The following ZNF649 variants were observed in gnomAD, a reference collection of about 807,000 sequenced individuals.
The protein encoded by ZNF649 is zinc finger protein 649.
ZNF649 carries 7 observed loss-of-function variants against 14.1 expected under a neutral mutation model. The ratio of observed to expected loss-of-function variants is 0.49; its 90% CI spans 0.28 to 0.93. The LOEUF (loss-of-function observed/expected upper bound fraction) is 0.93. ZNF649 is among the 40% of genes least tolerant of loss of function. The pLI is 0.10. For synonymous variants in ZNF649, 227 were observed against 212.3 expected (o/e 1.07, Z -0.60); for missense variants, 544 against 608.1 (o/e 0.89, Z 1.11).
chr19:51,898,494 C>G (rs1016605239), intron 2 of ZNF649, among the ~76,000 whole-genome samples: 1 of 152,114 alleles, frequency 6.6e-6, no homozygotes, highest in African/African-American at 2.4e-5. Flanking sequence ...CCAAAGGGTG[C>G]CAAGCACAGG....
chr19:51,891,524 T>C lies in ZNF649; in HGVS notation c.612A>G (p.Lys204=). The change falls in exon 5 of 5, where the codon AAA becomes AAG. Residue 204 remains lysine, a synonymous_variant. Transcript: ENST00000354957. The surrounding 1 kb of genome is among the most constrained non-coding windows in gnomAD (Gnocchi z 4.2). ...TEHKRIHTGK[K]PHVCSLCGKA... is the part of the protein sequence containing the mutation. Reference sequence around the variant, plus strand: ...TCCCACACAAGCTACACACGTGGGGTTTCTTTCCTGTATGAATTCTCTTAT... The same window carrying C: ...TCCCACACAAGCTACACACGTGGGGCTTCTTTCCTGTATGAATTCTCTTAT... 6.2e-7 allele frequency: 1 copy of C among 1,614,240 alleles called. No homozygotes were observed. The highest frequency in any genetic ancestry group is 8.5e-7 in the Non-Finnish European group (1 of 1,180,044).
At chr19:51,892,028 G>C in intron 4 of ZNF649, 131 bp from the exon 5 acceptor site, 1 of 1,102,708 alleles carries the variant, frequency 9.1e-7, no homozygotes, top group Non-Finnish European at 1.2e-6. Context: ...CCAAGTATAA[G>C]TGTTCCCTAT....
rs149249779 is a variant in ZNF649 at position 51,896,499 on chromosome 19, C to T, written c.211G>A (p.Asp71Asn). The T allele has an allele frequency of 4.3e-5, 69 of 1,613,994 alleles. No individual in the cohort carries two copies. Among genetic ancestry groups the T allele is most frequent in the Non-Finnish European group, 5.3e-5 (62 of 1,180,014 alleles). Residue 71 changes from aspartate (D) to asparagine (N), a missense_variant, in exon 4 of 5, where the codon GAT becomes AAT. Transcript: ENST00000354957. ...EQGEPLWTLE[D>N]EIHSPAHPEI... Reference sequence around the variant, plus strand: ...GGGTGGGCTGGACTGTGGATTTCATCTTCTAGTGTCCATAGTGGTTCTCCT... The same window carrying T: ...GGGTGGGCTGGACTGTGGATTTCATTTTCTAGTGTCCATAGTGGTTCTCCT...
At position 51,891,598 on chromosome 19, in the gene ZNF649, A is replaced by G; in HGVS notation, c.538T>C (p.Cys180Arg). 6.2e-7 allele frequency: 1 copy of G among 1,614,230 alleles called. No individual in the cohort carries two copies. The highest frequency in any genetic ancestry group is 1.6e-4 in the Middle Eastern group (1 of 6,062). Reference sequence around the variant, plus strand: ...AGGAAAGCTTTCCCACAGTCAGTGCATTCATGGGCTTTCTCTATGTTGTGT... The same window carrying G: ...AGGAAAGCTTTCCCACAGTCAGTGCGTTCATGGGCTTTCTCTATGTTGTGT... ...QTHNIEKAHE[C>R]TDCGKAFLKK... is the part of the protein sequence containing the mutation. Residue 180 changes from cysteine (C) to arginine (R), a missense_variant, in exon 5 of 5, where the codon TGC (cysteine) becomes CGC (arginine). By Grantham distance (180) the Cys-to-Arg change is radical. Transcript: ENST00000354957. The surrounding 1 kb of genome is among the most constrained non-coding windows in gnomAD (Gnocchi z 4.2).
At chr19:51,904,071 C>T (rs1006547253) in intron 1 of ZNF649, 3 of 152,988 alleles carry the variant, frequency 2.0e-5, no homozygotes, top group Non-Finnish European at 4.4e-5. Context: ...AAGGCAAACG[C>T]CGAATGGTAA....
At chr19:51,896,652 A>G in intron 3 of ZNF649, 85 bp from the exon 4 acceptor site, 3 of 1,538,720 alleles carry the variant, frequency 1.9e-6, no homozygotes, top group Non-Finnish European at 2.7e-6. Context: ...CATGTTAGGG[A>G]CTGCATAATT....
rs1296909857 is a variant in ZNF649, at chr19:51,896,925, C to T, written c.69G>A (p.Gln23=). The T allele has an allele frequency of 6.2e-7, 1 of 1,614,110 alleles. No individual in the cohort carries two copies. The highest frequency in any genetic ancestry group is 8.5e-7 in the Non-Finnish European group (1 of 1,180,052). ...VAVDFTWEEW[Q]FLSPAQKDLY... is the part of the protein sequence containing the mutation. ...GGTCCTTCTGAGCAGGGCTCAGGAACTGCCACTCCTCCCAGGTGAAGTCCA... is the reference window on the plus strand; with the variant it reads ...GGTCCTTCTGAGCAGGGCTCAGGAATTGCCACTCCTCCCAGGTGAAGTCCA... Residue 23 remains glutamine, a synonymous_variant, in exon 3 of 5, where the codon CAG becomes CAA. Transcript: ENST00000354957.
In ZNF649 at chr19:51,900,076, A is replaced by G; in HGVS notation, c.15+17T>C. The G allele has an allele frequency of 6.6e-7, 1 of 1,521,718 alleles. No individual in the cohort carries two copies. Among genetic ancestry groups the G allele is most frequent in the Non-Finnish European group, 8.8e-7 (1 of 1,134,302 alleles). The allele number at this position is 1,521,718 out of a possible 1,614,324, so 94.3% of individuals were successfully genotyped here. On this transcript the variant is annotated intron_variant, in intron 2 of 4. Transcript: ENST00000354957. ...CATCAGGGAATCGAGTTAAGAATAA[A>G]ACAAACCAAAAGTTACCTGGGCCTT...
At position 51,891,847 on chromosome 19, in the gene ZNF649, T is replaced by A. The variant is rs2085025566; in HGVS notation, c.289A>T (p.Ile97Leu). 1.9e-6 allele frequency: 3 copies of A among 1,583,412 alleles called. No individual in the cohort carries two copies. The South Asian group carries it at 3.5e-5, about 19-fold the overall frequency. Reference sequence around the variant, plus strand: ...TAGCGTTGTCCCGTCCTCTTCAGTATTTTTTGGTTTTGCAAGGGCTGCTGC... The same window carrying A: ...TAGCGTTGTCCCGTCCTCTTCAGTAATTTTTGGTTTTGCAAGGGCTGCTGC... ...HLQQPLQNQK[I>L]LKRTGQRYEH... is the part of the protein sequence containing the mutation. Residue 97 changes from isoleucine to leucine, a missense_variant, in exon 5 of 5, where the codon ATA becomes TTA. Ile to Leu is a conservative substitution (Grantham distance 5). Coordinates refer to ENST00000354957, the MANE Select transcript of ZNF649 (RefSeq NM_023074.4). The surrounding 1 kb of genome is among the most constrained non-coding windows in gnomAD (Gnocchi z 4.2).
intron 2 of ZNF649, among the ~76,000 whole-genome samples, chr19:51,898,365 C>T (rs905413621): frequency 1.5e-4 from 23 of 152,162 alleles, no homozygotes; most frequent in Non-Finnish European, 2.1e-4. Flanking sequence ...CACAACCTCC[C>T]TGCTCAGGTT....
Position 51,890,934 on chromosome 19 carries a change from G to C in ZNF649, c.1202C>G (p.Pro401Arg). 6.2e-7 allele frequency: 1 copy of C among 1,614,030 alleles called. No homozygotes were observed. Among genetic ancestry groups the C allele is most frequent in the Non-Finnish European group, 8.5e-7 (1 of 1,179,964 alleles). The change falls in exon 5 of 5, where the codon CCC (proline) becomes CGC (arginine). Residue 401 changes from proline (P) to arginine (R), a missense_variant. Physicochemically the swap from Pro to Arg is moderately radical, Grantham distance 103. Coordinates refer to ENST00000354957, the MANE Select transcript of ZNF649 (RefSeq NM_023074.4). ...RHQKIHSGEK[P>R]YKCSDCGKAF... ...TTTCCCACAGTCACTGCATTTATAG[G>C]GTTTCTCTCCTGAGTGAATTTTCTG...
chr19:51,903,357 G>C (rs140568133), intron 1 of ZNF649, among the ~76,000 whole-genome samples: 1 of 152,194 alleles, frequency 6.6e-6, no homozygotes, highest in South Asian at 2.1e-4. Flanking sequence ...GACATGGTTA[G>C]TTGCCCTGGC....
At chr19:51,901,946 GTA>G (rs1458021033) in intron 1 of ZNF649, among the ~76,000 whole-genome samples, 18 of 99,128 alleles carry the variant, frequency 1.8e-4, no homozygotes, top group African/African-American at 8.7e-4. Flanking sequence ...GTGAGACTCT[GTA>G]TCAAAAAAAA....
chr19:51,891,737 A>G lies in ZNF649; in HGVS notation c.399T>C (p.Asn133=). The part of the protein sequence containing the change: ...RYNRKEPAEF[N]GDGAFLHDNH... ...TATCATGGAGAAAAGCTCCATCTCCATTAAACTCAGCAGGCTCCTTTCTGT... is the reference window on the plus strand; with the variant it reads ...TATCATGGAGAAAAGCTCCATCTCCGTTAAACTCAGCAGGCTCCTTTCTGT... Residue 133 remains asparagine (N), a synonymous_variant, in exon 5 of 5, where the codon AAT becomes AAC. Coordinates refer to ENST00000354957, the MANE Select transcript of ZNF649 (RefSeq NM_023074.4). The surrounding 1 kb of genome is among the most constrained non-coding windows in gnomAD (Gnocchi z 4.2). 1.2e-6 allele frequency: 2 copies of G among 1,613,538 alleles called. No individual in the cohort carries two copies. Among genetic ancestry groups the G allele is most frequent in the Non-Finnish European group, 1.7e-6 (2 of 1,179,894 alleles).
chr19:51,896,653 C>T (rs2122765776), intron 3 of ZNF649, 86 bp from the exon 4 acceptor site: 1 of 1,536,070 alleles, frequency 6.5e-7, no homozygotes, highest in Non-Finnish European at 9.0e-7. Flanking sequence ...ATGTTAGGGA[C>T]TGCATAATTT....
intron 1 of ZNF649, among the ~76,000 whole-genome samples, chr19:51,903,376 T>A (rs948636669): frequency 6.6e-6 from 1 of 151,820 alleles, no homozygotes; most frequent in Non-Finnish European, 1.5e-5. Flanking sequence ...GCAACCAGCC[T>A]CCCCCGTCCT....
chr19:51,896,131 GA>G (rs1004639847), intron 4 of ZNF649: 8 of 239,058 alleles, frequency 3.3e-5, no homozygotes, highest in Admixed American at 1.0e-4. Flanking sequence ...ATGTGACAGA[GA>G]AAAAAACAGT....
chr19:51,900,264 T>A lies in ZNF649; in HGVS notation c.-157A>T, dbSNP rs1414983439. 2 of 511,844 alleles carry A rather than the reference T, an allele frequency of 3.9e-6. No individual in the cohort carries two copies. The highest frequency in any genetic ancestry group is 3.9e-5 in the African/African-American group (2 of 50,858). 31.7% of individuals were successfully genotyped at this position (511,844 alleles called of 1,614,324 possible). A position where few individuals can be genotyped will look rare whatever the true frequency, so the allele number is the denominator to read the frequency against. On this transcript the variant is annotated 5_prime_UTR_variant, in exon 2 of 5. Transcript: ENST00000354957. ...TCCAGGAACCTCCTCCTTCCTTCAT[T>A]TGAACTCTCTTGCTTCTGGGGAGCC... is the stretch of plus-strand genomic sequence containing the variant.
At position 51,890,422 on chromosome 19, in the gene ZNF649, ACT is replaced by A; in HGVS notation, c.*194_*195del. On this transcript the variant is annotated 3_prime_UTR_variant, in exon 5 of 5. Transcript: ENST00000354957. ...TAAAACTGCCCCCCTCCCCAGCCAAACTCTATGATCAAGATAGTAAATGAAAA... is the reference window on the plus strand; with the variant it reads ...TAAAACTGCCCCCCTCCCCAGCCAAACTATGATCAAGATAGTAAATGAAAA... 2.0e-6 allele frequency: 1 copy of A among 507,678 alleles called. No individual in the cohort carries two copies. Among genetic ancestry groups the A allele is most frequent in the South Asian group, 3.2e-5 (1 of 30,940 alleles). The allele number at this position is 507,678 out of a possible 1,614,324, so 31.4% of individuals were successfully genotyped here.
Sources: gnomAD v4.1 joint callset for allele counts (sites outside exome capture counted in the v4.1 genomes callset) on GRCh38, gnomAD v4.1.1 for gene constraint, Gnocchi (gnomAD v3.1) non-coding constraint, MANE v1.5 for transcripts, NCBI Gene and HGNC (gene_info 2026-07-23, HGNC 2026-07-21) for gene names.